The following ABCC4 variants were observed in gnomAD, a reference collection of about 807,000 sequenced individuals.
The protein encoded by ABCC4 is ATP-binding cassette sub-family C member 4.
Under a neutral mutation model 168.5 loss-of-function variants are expected in ABCC4, and 102 were observed. That is an observed-to-expected ratio of 0.61 (90% CI 0.52 to 0.71). ABCC4 has a LOEUF of 0.71. ABCC4 is among the 30% of genes least tolerant of loss of function. ABCC4 has a pLI of 0.00. For synonymous variants in ABCC4, 617 were observed against 590.7 expected (o/e 1.04, Z -0.65); for missense variants, 1,402 against 1,605.8 (o/e 0.87, Z 2.17).
intron 19 of ABCC4, among the ~76,000 whole-genome samples, chr13:95,149,393 G>A (rs143029604): frequency 7.2e-5 from 11 of 152,126 alleles, no homozygotes; most frequent in African/African-American, 2.4e-4. Flanking sequence ...TAAGTAATAG[G>A]GAGTATATAG....
At chr13:95,170,490 C>T (rs777571928) in intron 14 of ABCC4, 42 bp downstream of exon 14, 5 of 1,278,528 alleles carry the variant, frequency 3.9e-6, no homozygotes, top group South Asian at 3.9e-5. Flanking sequence ...TTCAACACAC[C>T]CAAGTACTTG....
intron 1 of ABCC4, among the ~76,000 whole-genome samples, chr13:95,258,618 A>AT (rs1169452954): frequency 6.6e-6 from 1 of 152,074 alleles, no homozygotes; most frequent in African/African-American, 2.4e-5. Context: ...TGAGGGCAGG[A>AT]TTTTTTTATG....
chr13:95,256,231 C>A (rs796440923), intron 1 of ABCC4, among the ~76,000 whole-genome samples: 2 of 152,066 alleles, frequency 1.3e-5, no homozygotes, highest in East Asian at 3.9e-4. Context: ...CCATCATGCC[C>A]GGCTAAGTGA....
chr13:95,031,808 G>A (rs1405054892), intron 30 of ABCC4, among the ~76,000 whole-genome samples: 1 of 152,132 alleles, frequency 6.6e-6, no homozygotes, highest in Non-Finnish European at 1.5e-5. Context: ...TAAAACAAAG[G>A]TGAACTATAT....
At chr13:95,175,305 A>G (rs1461761941) in intron 13 of ABCC4, among the ~76,000 whole-genome samples, 8 of 151,974 alleles carry the variant, frequency 5.3e-5, no homozygotes, top group African/African-American at 1.9e-4. Context: ...CCTTTTTTAA[A>G]ATTTTTTTTT....
chr13:95,060,353 T>G (rs2033239267), intron 26 of ABCC4, among the ~76,000 whole-genome samples: 2 of 152,244 alleles, frequency 1.3e-5, no homozygotes, highest in African/African-American at 2.4e-5. Flanking sequence ...CAGATGTGCT[T>G]CCAAAACATT....
At chr13:95,047,620 C>T (rs1481528004) in intron 27 of ABCC4, among the ~76,000 whole-genome samples, 4 of 151,524 alleles carry the variant, frequency 2.6e-5, no homozygotes, top group African/African-American at 9.7e-5. Context: ...GCTGGGACTA[C>T]AGGTGCATAC....
At chr13:95,257,233 T>C (rs1397371534) in intron 1 of ABCC4, among the ~76,000 whole-genome samples, 1 of 152,256 alleles carries the variant, frequency 6.6e-6, no homozygotes, top group Non-Finnish European at 1.5e-5. Flanking sequence ...ACAATCATTG[T>C]GGAAAATCAT....
rs773364470 is a variant in ABCC4 at position 95,178,097 on chromosome 13, T to G, written c.1546-6A>C. The G allele has an allele frequency of 1.2e-6, 2 of 1,613,190 alleles. No individual in the cohort carries two copies. The highest frequency in any genetic ancestry group is 2.2e-5 in the South Asian group (2 of 91,054). ...TCCTCCAACAGCTGTAAATCCTGTA[T>G]GGACAAAGGAAAGAAGGGGGGAAAA... On this transcript the variant is annotated splice_region_variant and splice_polypyrimidine_tract_variant and intron_variant, in intron 11 of 30. Coordinates refer to ENST00000645237, the MANE Select transcript of ABCC4 (RefSeq NM_005845.5).
intron 30 of ABCC4, among the ~76,000 whole-genome samples, chr13:95,025,292 CACCCACAT>C (rs2139197885): frequency 1.6e-5 from 1 of 62,010 alleles, no homozygotes; most frequent in African/African-American, 8.9e-5. Flanking sequence ...CCCCCACACA[CACCCACAT>C]ACGCCCACCC....
intron 4 of ABCC4, among the ~76,000 whole-genome samples, chr13:95,225,707 T>TAACAG (rs2039444511): frequency 6.6e-6 from 1 of 152,036 alleles, no homozygotes; most frequent in Admixed American, 6.6e-5. Flanking sequence ...ATACCATTTA[T>TAACAG]AACAGCACAA....
intron 1 of ABCC4, among the ~76,000 whole-genome samples, chr13:95,295,058 C>T (rs1424128637): frequency 1.3e-5 from 2 of 152,098 alleles, no homozygotes; most frequent in Admixed American, 1.3e-4. Flanking sequence ...GTAACCTTGG[C>T]CTCCCAGACA....
chr13:95,173,929 C>A (rs2037570165), intron 13 of ABCC4, among the ~76,000 whole-genome samples: 2 of 152,342 alleles, frequency 1.3e-5, no homozygotes, highest in South Asian at 4.1e-4. Context: ...CTCCAGGCAC[C>A]AAAACTGCTG....
chr13:95,236,466 C>T (rs780728415), intron 3 of ABCC4, among the ~76,000 whole-genome samples: 24 of 152,158 alleles, frequency 1.6e-4, no homozygotes, highest in Admixed American at 4.6e-4. Context: ...AAAACAAAAA[C>T]AAAATTAACA....
At chr13:95,261,716 C>A (rs1046574564) in intron 1 of ABCC4, among the ~76,000 whole-genome samples, 1 of 152,120 alleles carries the variant, frequency 6.6e-6, no homozygotes, top group Non-Finnish European at 1.5e-5. Flanking sequence ...TAAGCTAGCA[C>A]ATTAGAGGTG....
intron 20 of ABCC4, among the ~76,000 whole-genome samples, chr13:95,090,935 T>A (rs899628398): frequency 6.6e-6 from 1 of 151,746 alleles, no homozygotes; most frequent in Non-Finnish European, 1.5e-5. Flanking sequence ...TTAAAAAAAA[T>A]CAAAAATTCG....
chr13:95,253,399 G>C (rs957400226), intron 1 of ABCC4, among the ~76,000 whole-genome samples: 1 of 151,876 alleles, frequency 6.6e-6, no homozygotes, highest in Non-Finnish European at 1.5e-5. Flanking sequence ...CAACATGCTG[G>C]GCACATAGAA....
rs573793467 is a variant in ABCC4 at position 95,162,353 on chromosome 13, A to G, written c.2308+769T>C. On this transcript the variant is annotated intron_variant, in intron 18 of 30. Coordinates refer to ENST00000645237, the MANE Select transcript of ABCC4 (RefSeq NM_005845.5). Reference sequence around the variant, plus strand: ...AAGATAACTCACTCTATCTCTGAGGAAAGCTTGTAGGAGCATTTCCTGTGG... The same window carrying G: ...AAGATAACTCACTCTATCTCTGAGGGAAGCTTGTAGGAGCATTTCCTGTGG... 5.3e-5 allele frequency among the ~76,000 whole-genome samples: 8 copies of G among 152,350 alleles called. 1 individual carries two copies. In the South Asian group the frequency reaches 1.7e-3, roughly 32 times the overall value.
intron 30 of ABCC4, 57 bp from the exon 31 acceptor site, chr13:95,021,739 C>A: frequency 8.1e-7 from 1 of 1,229,020 alleles, no homozygotes; most frequent in Admixed American, 1.9e-5. Context: ...AAGTCTCCTC[C>A]CTGAAACAAT....
Sources: allele counts gnomAD v4.1 joint callset (sites outside exome capture counted in the v4.1 genomes callset), GRCh38; gene constraint gnomAD v4.1.1; transcripts MANE v1.5; gene names NCBI Gene and HGNC (gene_info 2026-07-23, HGNC 2026-07-21).